NANOGNB: variants seen among roughly 807,000 people sequenced by gnomAD.
NANOGNB encodes the protein NANOG neighbor homeobox.
In NANOGNB, 30 loss-of-function variants were observed where a neutral mutation model predicts 25.0. That is an observed-to-expected ratio of 1.20 (90% CI 0.90 to 1.63). The LOEUF (loss-of-function observed/expected upper bound fraction) is 1.63. Among genes scored for constraint, NANOGNB ranks in the 40% most tolerant of loss-of-function variants. NANOGNB has a pLI of 0.00. For synonymous variants in NANOGNB, 84 were observed against 62.1 expected, an observed-to-expected ratio of 1.35 and a Z score of -1.66; for missense variants, 200 against 188.1, an observed-to-expected ratio of 1.06 and a Z score of -0.37.
In NANOGNB at chr12:7,773,914, A is replaced by G; in HGVS notation, c.*63A>G. On this transcript the variant is annotated 3_prime_UTR_variant, in exon 4 of 4. Transcript: ENST00000382119. ...AGCATGAGCCATCGCACTGGCTAAG[A>G]CATTTTACATGACACCATTCTCACC... 1.7e-6 allele frequency: 1 copy of G among 591,438 alleles called. No individual in the cohort carries two copies. The highest frequency in any genetic ancestry group is 2.9e-6 in the Non-Finnish European group (1 of 339,976). 36.6% of individuals were successfully genotyped at this position (591,438 alleles called of 1,614,324 possible). A position where few individuals can be genotyped will look rare whatever the true frequency, so the allele number is the denominator to read the frequency against.
chr12:7,770,391 T>A, intron 2 of NANOGNB, 48 bp from the exon 3 acceptor site: 1 of 1,523,770 alleles, frequency 6.6e-7, no homozygotes, highest in South Asian at 1.3e-5. Flanking sequence ...TATAGACCAA[T>A]ATCCTTATTC....
chr12:7,772,826 T>G (rs1204318782), intron 3 of NANOGNB, among the ~76,000 whole-genome samples: 1 of 151,960 alleles, frequency 6.6e-6, no homozygotes. Flanking sequence ...TCAAGTGATC[T>G]GCTTGCCTCC....
At chr12:7,768,355 T>C (rs751523901) in intron 1 of NANOGNB, among the ~76,000 whole-genome samples, 1 of 152,232 alleles carries the variant, frequency 6.6e-6, no homozygotes, top group East Asian at 1.9e-4. Context: ...TGTTGAAGTT[T>C]TTGCCTCCAT....
chr12:7,767,197 T>C (rs184401247), intron 1 of NANOGNB, among the ~76,000 whole-genome samples: 1 of 151,998 alleles, frequency 6.6e-6, no homozygotes, highest in Non-Finnish European at 1.5e-5. Context: ...TGAAGAGGAA[T>C]GTGTGGAAGT....
intron 3 of NANOGNB, 83 bp downstream of exon 3, chr12:7,770,601 TG>T (rs1480997215): frequency 1.1e-6 from 1 of 882,838 alleles, no homozygotes; most frequent in African/African-American, 1.7e-5. Flanking sequence ...CCATCATTAT[TG>T]GGTATGCCCA....
At chr12:7,773,517 A>G (rs1862605185) in intron 3 of NANOGNB, among the ~76,000 whole-genome samples, 3 of 139,892 alleles carry the variant, frequency 2.1e-5, no homozygotes, top group South Asian at 4.6e-4. Context: ...CCTGACTAAC[A>G]TGGTGAAACT....
At chr12:7,773,420 G>A (rs1403783259) in intron 3 of NANOGNB, among the ~76,000 whole-genome samples, 1 of 151,382 alleles carries the variant, frequency 6.6e-6, no homozygotes, top group South Asian at 2.1e-4. Flanking sequence ...TATAGACAGC[G>A]GCTGGGTGCG....
chr12:7,773,748 A>AAT, intron 3 of NANOGNB, 52 bp from the exon 4 acceptor site: 1 of 579,222 alleles, frequency 1.7e-6, no homozygotes, highest in East Asian at 3.2e-5. Context: ...AAAATAAATA[A>AAT]ATATATAGAC....
chr12:7,773,709 G>A, intron 3 of NANOGNB, 91 bp from the exon 4 acceptor site: 1 of 509,954 alleles, frequency 2.0e-6, no homozygotes, highest in East Asian at 3.5e-5. Flanking sequence ...TGGGTGACAA[G>A]AGTGAAACTC....
chr12:7,772,093 A>C (rs968370944), intron 3 of NANOGNB, among the ~76,000 whole-genome samples: 7 of 152,178 alleles, frequency 4.6e-5, no homozygotes, highest in Non-Finnish European at 7.4e-5. Context: ...CACTCAATGC[A>C]CCTCAGTATC....
intron 1 of NANOGNB, 146 bp downstream of exon 1, chr12:7,765,533 G>GCACT (rs1488196070): frequency 3.1e-5 from 5 of 159,124 alleles, no homozygotes; most frequent in African/African-American, 8.0e-5. Flanking sequence ...TCGCGCCACT[G>GCACT]CACTCCAGCC....
rs1865282997 is a variant in NANOGNB, at chr12:7,770,448, T to C, written c.445T>C (p.Trp149Arg). 2 of 1,538,540 alleles carry C rather than the reference T, an allele frequency of 1.3e-6. No homozygotes were observed. The highest frequency in any genetic ancestry group is 1.4e-5 in the African/African-American group (1 of 72,600). Reference protein sequence around the residue: ...FDMTHKQISQWFCKTRKKYNK... With the variant: ...FDMTHKQISQRFCKTRKKYNK... The stretch of plus-strand genomic sequence containing the variant: ...CCTCATTTTTTTGTAGATAAGTCAA[T>C]GGTTTTGTAAAACGAGGAAGAAATA... The change falls in exon 3 of 4, where the codon TGG becomes CGG. Residue 149 changes from tryptophan (W) to arginine (R), a missense_variant. Coordinates refer to ENST00000382119, the MANE Select transcript of NANOGNB (RefSeq NM_001145465.1).
intron 3 of NANOGNB, 98 bp downstream of exon 3, chr12:7,770,616 A>C: frequency 1.3e-6 from 1 of 774,406 alleles, no homozygotes; most frequent in South Asian, 2.0e-5. Context: ...ATGCCCATAA[A>C]CTTTTTTTTT....
Position 7,769,429 on chromosome 12 carries a change from T to C in NANOGNB, c.103-554T>C, listed in dbSNP as rs777530329. Among the ~76,000 whole-genome samples the C allele has an allele frequency of 1.4e-4, 21 of 152,168 alleles. No individual in the cohort carries two copies. The South Asian group carries it at 4.4e-3, about 32-fold the overall frequency. On this transcript the variant is annotated intron_variant, in intron 1 of 3. Coordinates refer to ENST00000382119, the MANE Select transcript of NANOGNB (RefSeq NM_001145465.1). The stretch of plus-strand genomic sequence containing the variant: ...CCTCTGCCTCCTGGGTTCAAGCAAT[T>C]TTCCTGCCTCAGCCTCCCAAGTAGC...
intron 1 of NANOGNB, among the ~76,000 whole-genome samples, 200 bp downstream of exon 1, chr12:7,765,587 A>AAAAAAAAAAAAAAAAAAAAAAAC (rs1865238974): frequency 1.0e-5 from 1 of 97,704 alleles, no homozygotes. Flanking sequence ...AAAAAAAAAA[A>AAAAAAAAAAAAAAAAAAAAAAAC]AAGAAGTGGC....
rs1207316556 is a variant in NANOGNB at position 7,770,269 on chromosome 12, A to G, written c.389A>G (p.Gln130Arg). The change falls in exon 2 of 4, where the codon CAA becomes CGA. Residue 130 changes from glutamine (Q) to arginine (R), a missense_variant. Transcript: ENST00000382119. ...KFKLNRCPTI[Q>R]ESLSLSFEFD... ...AAGTTAAACAGGTGCCCCACTATACAAGAGAGTCTATCACTGTCATTTGAA... is the reference window on the plus strand; with the variant it reads ...AAGTTAAACAGGTGCCCCACTATACGAGAGAGTCTATCACTGTCATTTGAA... 1.3e-6 allele frequency: 2 copies of G among 1,542,216 alleles called. No homozygotes were observed. Among genetic ancestry groups the G allele is most frequent in the African/African-American group, 2.8e-5 (2 of 72,400 alleles).
intron 3 of NANOGNB, among the ~76,000 whole-genome samples, chr12:7,772,815 C>A (rs1264021866): frequency 6.6e-6 from 1 of 151,870 alleles, no homozygotes; most frequent in African/African-American, 2.4e-5. Context: ...AACTCCTGGC[C>A]TCAAGTGATC....
chr12:7,774,088 T>C lies in NANOGNB; in HGVS notation c.*237T>C, dbSNP rs147013986. On this transcript the variant is annotated 3_prime_UTR_variant, in exon 4 of 4. Transcript: ENST00000382119. ...TTAAAGTTTTTATAATGGATGTTAA[T>C]TGATTTTATTTAAGAAAAAAAATCG... 1.5e-5 allele frequency: 5 copies of C among 341,648 alleles called. No homozygotes were observed. In the East Asian group the frequency reaches 1.8e-4, roughly 12 times the overall value. 21.2% of individuals were successfully genotyped at this position (341,648 alleles called of 1,614,324 possible). A position where few individuals can be genotyped will look rare whatever the true frequency, so the allele number is the denominator to read the frequency against.
chr12:7,772,543 C>T (rs1343474898), intron 3 of NANOGNB, among the ~76,000 whole-genome samples: 3 of 147,304 alleles, frequency 2.0e-5, no homozygotes, highest in Non-Finnish European at 4.5e-5. Context: ...TCCCAAAGTG[C>T]TGAGATTACA....
Sources: gnomAD v4.1 joint callset for allele counts (sites outside exome capture counted in the v4.1 genomes callset) on GRCh38, gnomAD v4.1.1 for gene constraint, MANE v1.5 for transcripts, NCBI Gene and HGNC (gene_info 2026-07-23, HGNC 2026-07-21) for gene names.